Variants in PTPRK observed in about 807,000 individuals in gnomAD.
The protein encoded by PTPRK is protein tyrosine phosphatase receptor type K, also known as receptor-type tyrosine-protein phosphatase kappa.
PTPRK carries 75 observed loss-of-function variants against 178.0 expected under a neutral mutation model. The observed-to-expected ratio is 0.42, with a 90% CI of 0.35 to 0.51. The LOEUF is 0.51. Ranked by LOEUF, PTPRK falls within the 20% of genes least tolerant of loss-of-function variation. The probability of loss-of-function intolerance (pLI) is 0.02; values close to 1 mark genes in which losing one functional copy is unlikely to be tolerated. For synonymous variants in PTPRK, 637 were observed against 620.6 expected (o/e 1.03, Z -0.39); for missense variants, 1,441 against 1,797.8 (o/e 0.80, Z 3.59).
chr6:128,062,600 C>G lies in PTPRK; in HGVS notation c.2194+2158G>C, dbSNP rs372908822. The G allele has an allele frequency of 1.1e-4, 18 of 167,050 alleles. 2 individuals are homozygous for G. The highest frequency in any genetic ancestry group is 4.3e-4 in the African/African-American group (18 of 41,532). 10.3% of individuals were successfully genotyped at this position (167,050 alleles called of 1,614,324 possible). ...ACATAAGTTATGTCCCTCTTAAGTA[C>G]AAAATTATTAGCATAATGATAAGAT... On this transcript the variant is annotated intron_variant, in intron 13 of 29. Transcript: ENST00000368226.
At chr6:128,344,631 T>G (rs1355469009) in intron 2 of PTPRK, among the ~76,000 whole-genome samples, 5 of 152,028 alleles carry the variant, frequency 3.3e-5, no homozygotes, top group African/African-American at 1.2e-4. Flanking sequence ...TCCTCCCAAC[T>G]CAGTCTCCCA....
At chr6:128,381,790 T>G (rs920648929) in intron 2 of PTPRK, among the ~76,000 whole-genome samples, 2 of 152,218 alleles carry the variant, frequency 1.3e-5, no homozygotes, top group Non-Finnish European at 2.9e-5. Flanking sequence ...TTCAGGTTAC[T>G]CAGGTTCCTG....
chr6:128,467,718 C>A (rs1417070596), intron 1 of PTPRK, among the ~76,000 whole-genome samples: 2 of 152,076 alleles, frequency 1.3e-5, no homozygotes, highest in Non-Finnish European at 2.9e-5. Flanking sequence ...TCTCATTGGC[C>A]ATTAAATGTT....
At chr6:128,041,058 C>G (rs1777077583) in intron 13 of PTPRK, among the ~76,000 whole-genome samples, 1 of 151,898 alleles carries the variant, frequency 6.6e-6, no homozygotes, top group South Asian at 2.1e-4. Flanking sequence ...TTTAATAACC[C>G]ATTTTTACAA....
chr6:127,980,240 G>A (rs975154848), intron 25 of PTPRK, among the ~76,000 whole-genome samples: 2 of 152,216 alleles, frequency 1.3e-5, no homozygotes, highest in African/African-American at 4.8e-5. Flanking sequence ...AACCTGGGAA[G>A]CAGAGGTTGC....
chr6:128,277,470 G>A (rs2128300455), intron 3 of PTPRK, among the ~76,000 whole-genome samples: 1 of 152,284 alleles, frequency 6.6e-6, no homozygotes, highest in East Asian at 1.9e-4. Flanking sequence ...TTAAAGAGAA[G>A]AGAGGTCAGA....
chr6:128,102,779 G>A (rs143825216), intron 7 of PTPRK, among the ~76,000 whole-genome samples: 4 of 152,130 alleles, frequency 2.6e-5, no homozygotes, highest in African/African-American at 7.2e-5. Flanking sequence ...CTCCAAATCC[G>A]AGCTAATGTG....
intron 1 of PTPRK, among the ~76,000 whole-genome samples, chr6:128,427,755 C>G (rs960025055): frequency 6.6e-6 from 1 of 152,150 alleles, no homozygotes; most frequent in Non-Finnish European, 1.5e-5. Flanking sequence ...AGCCTCCACA[C>G]AGCCAGGATC....
At chr6:128,186,827 T>C (rs1158347212) in intron 6 of PTPRK, among the ~76,000 whole-genome samples, 1 of 152,050 alleles carries the variant, frequency 6.6e-6, no homozygotes, top group East Asian at 1.9e-4. Context: ...AATCGAGAAG[T>C]GAACATAATA....
At chr6:128,487,129 A>G (rs1853056328) in intron 1 of PTPRK, among the ~76,000 whole-genome samples, 1 of 144,808 alleles carries the variant, frequency 6.9e-6, no homozygotes, top group South Asian at 2.8e-4. Context: ...TTTGTTTCAC[A>G]TGGCAGGAAA....
chr6:128,429,652 C>T (rs553112673), intron 1 of PTPRK, among the ~76,000 whole-genome samples: 120 of 152,278 alleles, frequency 7.9e-4, no homozygotes, highest in African/African-American at 2.9e-3. Context: ...CATTCCATTG[C>T]ATTCCAGTGG....
chr6:128,036,500 C>T (rs1003568750), intron 13 of PTPRK, among the ~76,000 whole-genome samples: 9 of 152,186 alleles, frequency 5.9e-5, no homozygotes, highest in African/African-American at 1.9e-4. Context: ...AAAAAAGGAA[C>T]ATGGACAAGT....
chr6:128,147,059 A>G lies in PTPRK; in HGVS notation c.1162+37373T>C, dbSNP rs147056615. Among the ~76,000 whole-genome samples the G allele has an allele frequency of 1.8e-3, 270 of 152,278 alleles. 2 individuals carry two copies. The highest frequency in any genetic ancestry group is 6.8e-3 in the Middle Eastern group (2 of 294). ...TTCTACCTCAGTTTGCTCTCCTGTT[A>G]TCTTCTGAGATATTGTCTTTGTACA... On this transcript the variant is annotated intron_variant, in intron 7 of 29. Transcript: ENST00000368226.
chr6:128,487,736 G>C (rs1248193672), intron 1 of PTPRK, among the ~76,000 whole-genome samples: 1 of 152,100 alleles, frequency 6.6e-6, no homozygotes, highest in African/African-American at 2.4e-5. Flanking sequence ...GCGTCTTTGG[G>C]CCTTCATTTC....
At chr6:127,974,990 T>C (rs1358908055) in intron 27 of PTPRK, among the ~76,000 whole-genome samples, 3 of 152,256 alleles carry the variant, frequency 2.0e-5, no homozygotes, top group African/African-American at 7.2e-5. Context: ...TTTTGGTAGA[T>C]TACAAGCCCT....
intron 3 of PTPRK, among the ~76,000 whole-genome samples, chr6:128,272,046 T>C (rs1010010433): frequency 1.3e-5 from 2 of 152,078 alleles, no homozygotes; most frequent in East Asian, 1.9e-4. Context: ...CATTAAAATA[T>C]AGGTTAAAAC....
intron 12 of PTPRK, among the ~76,000 whole-genome samples, chr6:128,065,297 GTTCT>G (rs1781558661): frequency 6.6e-6 from 1 of 152,148 alleles, no homozygotes; most frequent in Non-Finnish European, 1.5e-5. Flanking sequence ...TAATTTATCT[GTTCT>G]TTCTTTCTTT....
chr6:128,184,402 A>T (rs745912275), intron 7 of PTPRK, 30 bp downstream of exon 7: 12 of 1,602,588 alleles, frequency 7.5e-6, no homozygotes, highest in Non-Finnish European at 9.4e-6. Context: ...TTCCTTCACA[A>T]GGTAGAAAAG....
intron 2 of PTPRK, among the ~76,000 whole-genome samples, chr6:128,350,380 T>C (rs1303304623): frequency 6.6e-6 from 1 of 152,152 alleles, no homozygotes; most frequent in Non-Finnish European, 1.5e-5. Context: ...AGGAAGGTAA[T>C]TTTGTTAAAA....
Sources: gnomAD v4.1 joint callset for allele counts (sites outside exome capture counted in the v4.1 genomes callset) on GRCh38, gnomAD v4.1.1 for gene constraint, MANE v1.5 for transcripts, NCBI Gene and HGNC (gene_info 2026-07-23, HGNC 2026-07-21) for gene names.